ATP8A2: variants seen among roughly 807,000 people sequenced by gnomAD.
ATP8A2 encodes the protein ATPase phospholipid transporting 8A2, also known as phospholipid-transporting ATPase IB.
ATP8A2 carries 100 observed loss-of-function variants against 165.6 expected under a neutral mutation model. The observed-to-expected ratio is 0.60, with a 90% CI of 0.51 to 0.71. The LOEUF (loss-of-function observed/expected upper bound fraction) is 0.71, where lower values mean the gene tolerates loss of function less well. ATP8A2 is among the 30% of genes least tolerant of loss of function. The pLI is 0.00. For missense variants in ATP8A2, 1,227 were observed against 1,479.5 expected (o/e 0.83, Z 2.80); for synonymous variants, 543 against 548.8 (o/e 0.99, Z 0.15).
intron 1 of ATP8A2, among the ~76,000 whole-genome samples, chr13:25,441,218 A>G (rs1030802634): frequency 5.3e-5 from 8 of 152,216 alleles, no homozygotes; most frequent in African/African-American, 1.9e-4. Flanking sequence ...AATGGCTGCT[A>G]AAGTATAGAA....
chr13:25,559,526 T>C (rs2039080271), intron 14 of ATP8A2, among the ~76,000 whole-genome samples, 195 bp from the exon 15 acceptor site: 1 of 152,168 alleles, frequency 6.6e-6, no homozygotes, highest in African/African-American at 2.4e-5. Flanking sequence ...AGTGAGACTC[T>C]GTCTCAAAAC....
At chr13:25,826,668 G>A (rs1951323833) in intron 27 of ATP8A2, among the ~76,000 whole-genome samples, 1 of 152,218 alleles carries the variant, frequency 6.6e-6, no homozygotes, top group Non-Finnish European at 1.5e-5. Flanking sequence ...TGTCTGTGAT[G>A]ATGTGACACA....
At chr13:25,638,115 A>T (rs1357310915) in intron 24 of ATP8A2, among the ~76,000 whole-genome samples, 2 of 152,208 alleles carry the variant, frequency 1.3e-5, no homozygotes. Context: ...GTATGTCACC[A>T]TCATCAAAGA....
chr13:25,536,925 G>A (rs961062232), intron 6 of ATP8A2, among the ~76,000 whole-genome samples: 1 of 152,190 alleles, frequency 6.6e-6, no homozygotes, highest in African/African-American at 2.4e-5. Flanking sequence ...CTGTTTTCCT[G>A]TTTCAGACAT....
intron 30 of ATP8A2, among the ~76,000 whole-genome samples, chr13:25,850,968 T>C (rs1951993326): frequency 6.6e-6 from 1 of 152,122 alleles, no homozygotes. Flanking sequence ...CCCTACAGGG[T>C]GTGCAGGGTG....
chr13:25,728,508 T>A (rs2043543822), intron 25 of ATP8A2, among the ~76,000 whole-genome samples: 1 of 152,200 alleles, frequency 6.6e-6, no homozygotes, highest in South Asian at 2.1e-4. Context: ...TGAATAAAGG[T>A]CATATTACTT....
chr13:25,736,561 G>A (rs1460642324), intron 25 of ATP8A2, among the ~76,000 whole-genome samples: 1 of 152,100 alleles, frequency 6.6e-6, no homozygotes, highest in Non-Finnish European at 1.5e-5. Context: ...CTGAATGAAG[G>A]GTCAGTGTAA....
At chr13:25,786,549 T>C (rs1162625747) in intron 27 of ATP8A2, among the ~76,000 whole-genome samples, 1 of 152,234 alleles carries the variant, frequency 6.6e-6, no homozygotes, top group Non-Finnish European at 1.5e-5. Flanking sequence ...TAATAATCTT[T>C]TTTGTCAGTC....
At chr13:25,668,833 A>G (rs1410330433) in intron 24 of ATP8A2, among the ~76,000 whole-genome samples, 1 of 152,034 alleles carries the variant, frequency 6.6e-6, no homozygotes, top group Non-Finnish European at 1.5e-5. Context: ...GAACCCCTTT[A>G]GTGAATTTTT....
rs535581225 is a variant in ATP8A2 at position 25,652,816 on chromosome 13, T to C, written c.2212-46357T>C. Among the ~76,000 whole-genome samples, 33 of 152,338 alleles carry C rather than the reference T, an allele frequency of 2.2e-4. No homozygotes were observed. The South Asian group carries it at 6.6e-3, about 31-fold the overall frequency. ...GCTGAGATTCTTTCAGTTCCTGGATTGTGTCTCTTGTCCTTGCACTGACTG... is the reference window on the plus strand; with the variant it reads ...GCTGAGATTCTTTCAGTTCCTGGATCGTGTCTCTTGTCCTTGCACTGACTG... On this transcript the variant is annotated intron_variant, in intron 24 of 36. Transcript: ENST00000381655.
intron 27 of ATP8A2, among the ~76,000 whole-genome samples, chr13:25,796,594 T>A (rs988115797): frequency 2.6e-5 from 4 of 152,138 alleles, no homozygotes; most frequent in Non-Finnish European, 5.9e-5. Context: ...CAGGCCTAGC[T>A]TCCTAAAGGA....
At chr13:25,657,666 A>G (rs2041962841) in intron 24 of ATP8A2, among the ~76,000 whole-genome samples, 1 of 152,166 alleles carries the variant, frequency 6.6e-6, no homozygotes, top group African/African-American at 2.4e-5. Context: ...TTTATGATCT[A>G]TGTAACACAC....
chr13:25,841,187 C>A (rs189270507), intron 30 of ATP8A2, among the ~76,000 whole-genome samples: 2 of 152,284 alleles, frequency 1.3e-5, no homozygotes, highest in African/African-American at 4.8e-5. Context: ...TAAGTCCATT[C>A]ATTCACCTAC....
chr13:25,963,498 T>C lies in ATP8A2; in HGVS notation c.3272+1835T>C, dbSNP rs1026904668. Among the ~76,000 whole-genome samples the C allele has an allele frequency of 4.6e-5, 7 of 152,156 alleles. No individual in the cohort carries two copies. The South Asian group carries it at 6.2e-4, about 14-fold the overall frequency. On this transcript the variant is annotated intron_variant, in intron 34 of 36. Coordinates refer to ENST00000381655, the MANE Select transcript of ATP8A2 (RefSeq NM_016529.6). ...GCCAATAGGCCCAATTGTGACACAATCTAGTCCCTTGCTGAATTTGTTCAA... is the reference window on the plus strand; with the variant it reads ...GCCAATAGGCCCAATTGTGACACAACCTAGTCCCTTGCTGAATTTGTTCAA...
chr13:25,593,660 A>G (rs1346238545), intron 24 of ATP8A2, among the ~76,000 whole-genome samples: 1 of 152,194 alleles, frequency 6.6e-6, no homozygotes, highest in Non-Finnish European at 1.5e-5. Flanking sequence ...CACACTGACC[A>G]GAAATTGGTC....
At chr13:25,924,088 T>C (rs1954532544) in intron 33 of ATP8A2, among the ~76,000 whole-genome samples, 1 of 152,240 alleles carries the variant, frequency 6.6e-6, no homozygotes, top group African/African-American at 2.4e-5. Context: ...AATGGATGGA[T>C]GATGTCCTAC....
intron 35 of ATP8A2, among the ~76,000 whole-genome samples, chr13:26,011,740 C>T (rs1956852904): frequency 6.6e-6 from 1 of 152,084 alleles, no homozygotes; most frequent in Non-Finnish European, 1.5e-5. Flanking sequence ...TTGAGACCAG[C>T]TTGGGCAGCA....
intron 25 of ATP8A2, among the ~76,000 whole-genome samples, chr13:25,706,943 GGCTTCATTGTTATTTTA>G (rs1456125930): frequency 6.6e-6 from 1 of 152,002 alleles, no homozygotes; most frequent in Non-Finnish European, 1.5e-5. Flanking sequence ...GGTTCTAAAT[GGCTTCATTGTTATTTTA>G]TTAAGGATGA....
intron 24 of ATP8A2, among the ~76,000 whole-genome samples, chr13:25,611,644 G>T (rs1490612983): frequency 6.6e-6 from 1 of 152,064 alleles, no homozygotes; most frequent in Non-Finnish European, 1.5e-5. Context: ...TGGTATTAGG[G>T]TGACACTGGC....
Sources: gnomAD v4.1 joint callset for allele counts (sites outside exome capture counted in the v4.1 genomes callset) on GRCh38, gnomAD v4.1.1 for gene constraint, MANE v1.5 for transcripts, NCBI Gene and HGNC (gene_info 2026-07-23, HGNC 2026-07-21) for gene names.